The following HMGCS2 variants were observed in gnomAD, a reference collection of about 807,000 sequenced individuals.
HMGCS2 encodes 3-hydroxy-3-methylglutaryl-CoA synthase 2.
Under a neutral mutation model 57.4 loss-of-function variants are expected in HMGCS2, and 50 were observed. That is an observed-to-expected ratio of 0.87 (90% CI 0.69 to 1.10). The LOEUF (loss-of-function observed/expected upper bound fraction) is 1.10. Ranked by LOEUF, HMGCS2 falls within the 50% of genes least tolerant of loss-of-function variation. HMGCS2 has a pLI of 0.00. For missense variants in HMGCS2, 627 were observed against 636.5 expected, an observed-to-expected ratio of 0.99 and a Z score of 0.16; for synonymous variants, 254 against 245.1, an observed-to-expected ratio of 1.04 and a Z score of -0.34.
rs761359337 is a variant in HMGCS2, at chr1:119,755,412, A to G, written c.1187+15T>C. The G allele has an allele frequency of 1.2e-6, 2 of 1,613,396 alleles. No homozygotes were observed. The highest frequency in any genetic ancestry group is 1.7e-6 in the Non-Finnish European group (2 of 1,179,472). On this transcript the variant is annotated intron_variant, in intron 6 of 9. Transcript: ENST00000369406. ...GGGTGTGCATGGAGGACATGGAGCC[A>G]GATGCAGTACTCACTGGGACAGAAG...
At chr1:119,760,432 C>T (rs12406668) in intron 2 of HMGCS2, among the ~76,000 whole-genome samples, 12,350 of 152,184 alleles carry the variant, frequency 0.081, 676 homozygotes, top group Admixed American at 0.19. Flanking sequence ...AGGTAGGTAA[C>T]ATCCACATTC....
At chr1:119,768,421 G>T (rs1473873308) in intron 1 of HMGCS2, among the ~76,000 whole-genome samples, 3 of 152,196 alleles carry the variant, frequency 2.0e-5, no homozygotes, top group African/African-American at 7.2e-5. Context: ...TAGGGGTGAA[G>T]GTGGGAATGG....
At chr1:119,765,588 T>C (rs891998379) in intron 1 of HMGCS2, among the ~76,000 whole-genome samples, 2 of 152,222 alleles carry the variant, frequency 1.3e-5, no homozygotes, top group Non-Finnish European at 2.9e-5. Context: ...TTAATACTTA[T>C]CTTACTTTTG....
rs1652975611 is a variant in HMGCS2 at position 119,759,804 on chromosome 1, T to G, written c.685+60A>C. ...GAGTAGCAGGTGTGCCAATGTGGGA[T>G]TAGGATCTATGTTCTTGGCTATGCC... On this transcript the variant is annotated intron_variant, in intron 3 of 9. Transcript: ENST00000369406. 3.2e-5 allele frequency: 51 copies of G among 1,603,580 alleles called. No homozygotes were observed. In the South Asian group the frequency reaches 5.1e-4, roughly 16 times the overall value.
rs1557988835 is a variant in HMGCS2 at position 119,753,342 on chromosome 1, G to A, written c.1232C>T (p.Ser411Phe). 6.2e-7 allele frequency: 1 copy of A among 1,613,674 alleles called. No homozygotes were observed. The highest frequency in any genetic ancestry group is 2.2e-5 in the East Asian group (1 of 44,860). Residue 411 changes from serine to phenylalanine, a missense_variant, in exon 7 of 10, where the codon TCT becomes TTT. By Grantham distance (155) the Ser-to-Phe change is radical (BLOSUM62 -2). Transcript: ENST00000369406. Reference protein sequence around the residue: ...ELAGSRIGAFSYGSGLAASFF... With the variant: ...ELAGSRIGAFFYGSGLAASFF... The stretch of plus-strand genomic sequence containing the variant: ...ACTTGCTGCTAAACCAGAGCCATAA[G>A]AGAAGGCACCAATCCTGGAGCCAGC...
chr1:119,752,420 ATCT>A, intron 8 of HMGCS2, 126 bp downstream of exon 8: 1 of 1,058,870 alleles, frequency 9.4e-7, no homozygotes, highest in South Asian at 1.3e-5. Flanking sequence ...CTTCTAGCAA[ATCT>A]TCTCCCAACC....
chr1:119,767,533 G>A (rs185698687), intron 1 of HMGCS2, among the ~76,000 whole-genome samples: 2 of 152,354 alleles, frequency 1.3e-5, no homozygotes, highest in African/African-American at 4.8e-5. Context: ...AGCAGATGCT[G>A]AGATGAAAGT....
At chr1:119,760,031 C>G (rs1483732199) in intron 2 of HMGCS2, 42 bp from the exon 3 acceptor site, 5 of 1,589,776 alleles carry the variant, frequency 3.1e-6, no homozygotes, top group Admixed American at 3.4e-5. Flanking sequence ...ATTACCAAAT[C>G]TAGAGTAGAC....
At chr1:119,761,520 A>T (rs1246706255) in intron 2 of HMGCS2, among the ~76,000 whole-genome samples, 1 of 152,084 alleles carries the variant, frequency 6.6e-6, no homozygotes, top group African/African-American at 2.4e-5. Flanking sequence ...AATCCCAGCG[A>T]TTGGGGAGGC....
intron 5 of HMGCS2, among the ~76,000 whole-genome samples, chr1:119,755,942 T>A (rs587729794): frequency 6.6e-6 from 1 of 152,276 alleles, no homozygotes; most frequent in Non-Finnish European, 1.5e-5. Flanking sequence ...ATAACATTAT[T>A]TGTAAAGGCT....
chr1:119,759,261 T>C lies in HMGCS2; in HGVS notation c.707A>G (p.Glu236Gly). The change falls in exon 4 of 10, where the codon GAG becomes GGG. Residue 236 changes from glutamate to glycine, a missense_variant. Coordinates refer to ENST00000369406, the MANE Select transcript of HMGCS2 (RefSeq NM_005518.4). ...LERGLRGTHM[E>G]NVYDFYKPNL... ...TGGTTTGTAGAAGTCATACACATTC[T>C]CCATATGGGTTCCCCTCAGCCCTGG... is the stretch of plus-strand genomic sequence containing the variant. The C allele has an allele frequency of 6.2e-7, 1 of 1,613,970 alleles. No individual in the cohort carries two copies. Among genetic ancestry groups the C allele is most frequent in the Non-Finnish European group, 8.5e-7 (1 of 1,179,906 alleles).
Position 119,753,269 on chromosome 1 carries a change from A to G in HMGCS2, c.1294+11T>C, listed in dbSNP as rs745658090. On this transcript the variant is annotated intron_variant, in intron 7 of 9. Coordinates refer to ENST00000369406, the MANE Select transcript of HMGCS2 (RefSeq NM_005518.4). Reference sequence around the variant, plus strand: ...CTTGTCAGGAAGGCCTACTAGAAAGATGACACTCACCTGGAGCAGCATCCT... The same window carrying G: ...CTTGTCAGGAAGGCCTACTAGAAAGGTGACACTCACCTGGAGCAGCATCCT... 1 of 1,551,634 alleles carries G rather than the reference A, an allele frequency of 6.4e-7. No homozygotes were observed. Among genetic ancestry groups the G allele is most frequent in the Non-Finnish European group, 8.9e-7 (1 of 1,123,636 alleles).
At position 119,760,647 on chromosome 1, in the gene HMGCS2, T is replaced by A. The variant is rs1301513722; in HGVS notation, c.560-658A>T. 2.0e-5 allele frequency among the ~76,000 whole-genome samples: 3 copies of A among 152,238 alleles called. No homozygotes were observed. In the East Asian group the frequency reaches 5.8e-4, roughly 29 times the overall value. On this transcript the variant is annotated intron_variant, in intron 2 of 9. Coordinates refer to ENST00000369406, the MANE Select transcript of HMGCS2 (RefSeq NM_005518.4). ...ACTAACTTTATGATAATCAGACTAG[T>A]ATTCAATAAATAATTGTGGTCTTGA...
At chr1:119,759,088 C>T in intron 4 of HMGCS2, 30 bp downstream of exon 4, 1 of 1,612,140 alleles carries the variant, frequency 6.2e-7, no homozygotes, top group Non-Finnish European at 8.5e-7. Flanking sequence ...GTAAATAGAG[C>T]CCCCACTTTC....
chr1:119,767,524 G>A (rs1653274969), intron 1 of HMGCS2, among the ~76,000 whole-genome samples: 2 of 152,228 alleles, frequency 1.3e-5, no homozygotes, highest in Admixed American at 1.3e-4. Context: ...AGACAGCAAA[G>A]CAGATGCTGA....
chr1:119,758,209 T>C (rs919424102), intron 4 of HMGCS2, among the ~76,000 whole-genome samples: 4 of 152,272 alleles, frequency 2.6e-5, no homozygotes, highest in African/African-American at 9.6e-5. Context: ...GTCTTTAAAG[T>C]AGGTTTAACT....
In HMGCS2 at chr1:119,750,729, T is replaced by C. The variant is rs667226; in HGVS notation, c.*5+68A>G. 0.14 allele frequency: 141,930 copies of C among 985,656 alleles called. 10,988 individuals carry two copies. The highest frequency in any genetic ancestry group is 0.25 in the Middle Eastern group (1,223 of 4,866). The allele number at this position is 985,656 out of a possible 1,614,324, so 61.1% of individuals were successfully genotyped here. On this transcript the variant is annotated intron_variant, in intron 9 of 9. Coordinates refer to ENST00000369406, the MANE Select transcript of HMGCS2 (RefSeq NM_005518.4). ...TCCCTGCACCTGTCCCCACCTTCTC[T>C]CTCTGTGTTGTTACTCAGAGGAAGA...
At chr1:119,751,081 A>T (rs1017658518) in intron 8 of HMGCS2, among the ~76,000 whole-genome samples, 173 bp from the exon 9 acceptor site, 2 of 152,184 alleles carry the variant, frequency 1.3e-5, no homozygotes, top group African/African-American at 4.8e-5. Flanking sequence ...ACAGAACAAG[A>T]GGGGCAGCCA....
chr1:119,753,356 C>A lies in HMGCS2; in HGVS notation c.1218G>T (p.Arg406Ser), dbSNP rs1413334730. 1.2e-6 allele frequency: 2 copies of A among 1,613,026 alleles called. No individual in the cohort carries two copies. The highest frequency in any genetic ancestry group is 1.7e-6 in the Non-Finnish European group (2 of 1,179,552). The change falls in exon 7 of 10, where the codon AGG (arginine) becomes AGT (serine). Residue 406 changes from arginine (R) to serine (S), a missense_variant. Arg to Ser is a moderately radical substitution (Grantham distance 110, BLOSUM62 -1). Transcript: ENST00000369406. ...HHSAQELAGSRIGAFSYGSGL... is the reference protein window; with the variant it reads ...HHSAQELAGSSIGAFSYGSGL... ...CAGAGCCATAAGAGAAGGCACCAATCCTGGAGCCAGCCAGTTCTTGGGCAG... is the reference window on the plus strand; with the variant it reads ...CAGAGCCATAAGAGAAGGCACCAATACTGGAGCCAGCCAGTTCTTGGGCAG...
Sources: gnomAD v4.1 joint callset for allele counts (sites outside exome capture counted in the v4.1 genomes callset) on GRCh38, gnomAD v4.1.1 for gene constraint, MANE v1.5 for transcripts, NCBI Gene and HGNC (gene_info 2026-07-23, HGNC 2026-07-21) for gene names.